CD40LG: variants seen among roughly 807,000 people sequenced by gnomAD.
The protein encoded by CD40LG is CD40 antigen ligand.
Under a neutral mutation model 17.2 loss-of-function variants are expected in CD40LG, and 1 was observed. The observed-to-expected ratio is 0.06, with a 90% CI of 0.02 to 0.28. The LOEUF (loss-of-function observed/expected upper bound fraction) is 0.28, where lower values mean the gene tolerates loss of function less well. Among genes scored for constraint, CD40LG ranks in the 10% least tolerant of loss-of-function variants. The probability of loss-of-function intolerance (pLI) is 1.00; values close to 1 mark genes in which losing one functional copy is unlikely to be tolerated. For missense variants in CD40LG, 133 were observed against 193.2 expected (o/e 0.69, Z 1.85); for synonymous variants, 66 against 74.4 (o/e 0.89, Z 0.58).
At position 136,653,417 on chromosome X, in the gene CD40LG, G is replaced by A. The variant is rs904162650; in HGVS notation, c.289-956G>A. 3.6e-5 allele frequency among the ~76,000 whole-genome samples: 4 copies of A among 112,623 alleles called. No individual in the cohort carries two copies. In the Admixed American group the frequency reaches 3.7e-4, roughly 11 times the overall value. ...GATTCCAGGAGTGGGAAGGAGCACA[G>A]GACTTTGATTATCATAAGATGTGAA... On this transcript the variant is annotated intron_variant, in intron 2 of 4. Coordinates refer to ENST00000370629, the MANE Select transcript of CD40LG (RefSeq NM_000074.3).
intron 1 of CD40LG, among the ~76,000 whole-genome samples, chrX:136,649,227 G>C (rs774257719): frequency 3.6e-4 from 40 of 112,603 alleles, no homozygotes; most frequent in Non-Finnish European, 6.6e-4. Context: ...TTTTCTGGCT[G>C]TTCCTAAAAT....
chrX:136,656,244 T>C, intron 3 of CD40LG, 112 bp from the exon 4 acceptor site: 1 of 601,286 alleles, frequency 1.7e-6, no homozygotes. Context: ...TCTTTCCTTT[T>C]ATATAATCTA....
intron 2 of CD40LG, among the ~76,000 whole-genome samples, chrX:136,653,624 C>T (rs1156726972): frequency 8.9e-6 from 1 of 112,249 alleles, no homozygotes; most frequent in African/African-American, 3.2e-5. Flanking sequence ...ATGGCAGCAA[C>T]AGCCTTTATC....
At chrX:136,655,283 G>C (rs1408265749) in intron 3 of CD40LG, among the ~76,000 whole-genome samples, 1 of 111,614 alleles carries the variant, frequency 9.0e-6, no homozygotes, top group East Asian at 2.8e-4. Context: ...AAAGATCCCT[G>C]ATGTCTTCCA....
In CD40LG at chrX:136,659,568, A is replaced by G. The variant is rs1020638099; in HGVS notation, c.*153A>G. ...TATTATACACTCCAAGGCATGTAGAACTGTAATAAGTGAATTACAGGTCAC... is the reference window on the plus strand; with the variant it reads ...TATTATACACTCCAAGGCATGTAGAGCTGTAATAAGTGAATTACAGGTCAC... On this transcript the variant is annotated 3_prime_UTR_variant, in exon 5 of 5. Coordinates refer to ENST00000370629, the MANE Select transcript of CD40LG (RefSeq NM_000074.3). 22 of 579,854 alleles carry G rather than the reference A, an allele frequency of 3.8e-5. No homozygotes were observed. The highest frequency in any genetic ancestry group is 5.6e-5 in the Non-Finnish European group (21 of 372,672). The allele number at this position is 579,854 out of a possible 1,213,427, so 47.8% of individuals were successfully genotyped here.
In CD40LG at chrX:136,659,304, G is replaced by A; in HGVS notation, c.675G>A (p.Leu225=). 8.3e-7 allele frequency: 1 copy of A among 1,211,005 alleles called. No individual in the cohort carries two copies. The highest frequency in any genetic ancestry group is 1.1e-6 in the Non-Finnish European group (1 of 894,948). ...AKPCGQQSIH[L]GGVFELQPGA... ...CTTGCGGGCAACAATCCATTCACTT[G>A]GGAGGAGTATTTGAATTGCAACCAG... is the stretch of plus-strand genomic sequence containing the variant. Residue 225 remains leucine, a synonymous_variant, in exon 5 of 5, where the codon TTG becomes TTA. Coordinates refer to ENST00000370629, the MANE Select transcript of CD40LG (RefSeq NM_000074.3).
Position 136,650,510 on chromosome X carries a change from G to C in CD40LG, c.288+113G>C, listed in dbSNP as rs1021070871. On this transcript the variant is annotated intron_variant, in intron 2 of 4. Coordinates refer to ENST00000370629, the MANE Select transcript of CD40LG (RefSeq NM_000074.3). ...GATTGGTTATAGACACAGACACACA[G>C]ACACACACACACATATATATGCATG... 2.0e-5 allele frequency: 12 copies of C among 611,800 alleles called. No homozygotes were observed. The East Asian group carries it at 2.4e-4, about 12-fold the overall frequency. 50.4% of individuals were successfully genotyped at this position (611,800 alleles called of 1,213,427 possible).
chrX:136,656,434 T>C lies in CD40LG; in HGVS notation c.409+16T>C. 8.5e-7 allele frequency: 1 copy of C among 1,180,484 alleles called. No individual in the cohort carries two copies. ...ACAACATCTGGTAAGTCACACAGCA[T>C]CTGAGCGGTAGCCACCCAAGGGGAA... On this transcript the variant is annotated intron_variant, in intron 4 of 4. Transcript: ENST00000370629.
rs2076129891 is a variant in CD40LG, at chrX:136,659,920, A to ACCG, written c.*507_*508insGCC. 5.4e-5 allele frequency: 1 copy of ACCG among 18,644 alleles called. No homozygotes were observed. The highest frequency in any genetic ancestry group is 9.5e-5 in the African/African-American group (1 of 10,500). The allele number at this position is 18,644 out of a possible 1,213,427, so 1.5% of individuals were successfully genotyped here. A position where few individuals can be genotyped will look rare whatever the true frequency, so the allele number is the denominator to read the frequency against. Reference sequence around the variant, plus strand: ...ACGTCTAACACAGTGGAGAACCGAAACCCCCCCCCCCCCCCCGCCACCCTC... The same window carrying ACCG: ...ACGTCTAACACAGTGGAGAACCGAAACCGCCCCCCCCCCCCCCCCGCCACCCTC... On this transcript the variant is annotated 3_prime_UTR_variant, in exon 5 of 5. Coordinates refer to ENST00000370629, the MANE Select transcript of CD40LG (RefSeq NM_000074.3).
Position 136,648,260 on chromosome X carries a change from A to G in CD40LG, c.12A>G (p.Thr4=). 1 of 1,205,143 alleles carries G rather than the reference A, an allele frequency of 8.3e-7. No individual in the cohort carries two copies. The highest frequency in any genetic ancestry group is 1.1e-6 in the Non-Finnish European group (1 of 889,774). ...AACTTTAACACAGCATGATCGAAAC[A>G]TACAACCAAACTTCTCCCCGATCTG... MIE[T]YNQTSPRSAA... The change falls in exon 1 of 5, where the codon ACA becomes ACG. Residue 4 remains threonine, a synonymous_variant. Coordinates refer to ENST00000370629, the MANE Select transcript of CD40LG (RefSeq NM_000074.3).
Position 136,648,218 on chromosome X carries a change from C to T in CD40LG, c.-31C>T. The T allele has an allele frequency of 8.6e-7, 1 of 1,159,358 alleles. No homozygotes were observed. The highest frequency in any genetic ancestry group is 3.0e-5 in the East Asian group (1 of 33,608). Reference sequence around the variant, plus strand: ...CATGCTGCCTCTGCCACCTTCTCTGCCAGAAGATACCATTTCAACTTTAAC... The same window carrying T: ...CATGCTGCCTCTGCCACCTTCTCTGTCAGAAGATACCATTTCAACTTTAAC... On this transcript the variant is annotated 5_prime_UTR_variant, in exon 1 of 5. Coordinates refer to ENST00000370629, the MANE Select transcript of CD40LG (RefSeq NM_000074.3).
intron 2 of CD40LG, among the ~76,000 whole-genome samples, chrX:136,652,689 C>A (rs1048461930): frequency 6.3e-5 from 7 of 111,320 alleles, no homozygotes; most frequent in Non-Finnish European, 1.3e-4. Context: ...TGAGGGTAAG[C>A]AGAGGTATTA....
intron 3 of CD40LG, among the ~76,000 whole-genome samples, chrX:136,654,743 C>G (rs779077894): frequency 3.6e-5 from 4 of 112,135 alleles, no homozygotes; most frequent in Non-Finnish European, 7.5e-5. Context: ...AATAAGAAGA[C>G]AGGAAAGTCA....
At chrX:136,652,515 C>T (rs2076106888) in intron 2 of CD40LG, among the ~76,000 whole-genome samples, 1 of 111,158 alleles carries the variant, frequency 9.0e-6, no homozygotes, top group African/African-American at 3.3e-5. Flanking sequence ...TAGAAGTCAT[C>T]AGATCCAATT....
chrX:136,659,172 G>A lies in CD40LG; in HGVS notation c.543G>A (p.Arg181=). The change falls in exon 5 of 5, where the codon CGG becomes CGA. Residue 181 remains arginine, a synonymous_variant. Transcript: ENST00000370629. The part of the protein sequence containing the change: ...IYAQVTFCSN[R]EASSQAPFIA... ...CCCAAGTCACCTTCTGTTCCAATCG[G>A]GAAGCTTCGAGTCAAGCTCCATTTA... The A allele has an allele frequency of 8.3e-7, 1 of 1,211,381 alleles. No individual in the cohort carries two copies.
intron 3 of CD40LG, 50 bp downstream of exon 3, chrX:136,654,480 A>T: frequency 1.1e-6 from 1 of 924,790 alleles, no homozygotes; most frequent in Non-Finnish European, 1.6e-6. Context: ...ACTAAAAGGA[A>T]GCTTTAGGCT....
chrX:136,654,564 T>C (rs768002105), intron 3 of CD40LG, 134 bp downstream of exon 3: 4 of 505,376 alleles, frequency 7.9e-6, no homozygotes, highest in East Asian at 3.6e-5. Flanking sequence ...AACACAATTG[T>C]CAAATTGACA....
intron 2 of CD40LG, 52 bp from the exon 3 acceptor site, chrX:136,654,321 C>T: frequency 1.1e-6 from 1 of 884,419 alleles, no homozygotes; most frequent in Non-Finnish European, 1.7e-6. Flanking sequence ...ATTTTAAAAC[C>T]CCACAGCAGA....
rs371247650 is a variant in CD40LG, at chrX:136,659,391, G to C, written c.762G>C (p.Thr254=). 8.3e-7 allele frequency: 1 copy of C among 1,210,770 alleles called. No homozygotes were observed. The change falls in exon 5 of 5, where the codon ACG becomes ACC. Residue 254 remains threonine (T), a synonymous_variant. Transcript: ENST00000370629. ...PSQVSHGTGF[T]SFGLLKL ...AAGTGAGCCATGGCACTGGCTTCAC[G>C]TCCTTTGGCTTACTCAAACTCTGAA...
Sources: gnomAD v4.1 joint callset for allele counts (sites outside exome capture counted in the v4.1 genomes callset) on GRCh38, gnomAD v4.1.1 for gene constraint, MANE v1.5 for transcripts, NCBI Gene and HGNC (gene_info 2026-07-23, HGNC 2026-07-21) for gene names.